ALK: variants seen among roughly 807,000 people sequenced by gnomAD.
ALK encodes ALK receptor tyrosine kinase.
A neutral mutation model predicts 163.1 loss-of-function variants in ALK; 74 were observed. The observed-to-expected ratio is 0.45, with a 90% confidence interval of 0.38 to 0.55. The LOEUF (loss-of-function observed/expected upper bound fraction) is 0.55. ALK is among the 20% of genes least tolerant of loss of function. The probability of loss-of-function intolerance (pLI) is 0.00; values close to 1 mark genes in which losing one functional copy is unlikely to be tolerated. For synonymous variants in ALK, 960 were observed against 843.2 expected (o/e 1.14, Z -2.40); for missense variants, 2,063 against 2,105.3 (o/e 0.98, Z 0.39).
At chr2:29,705,241 A>AT (rs1678864516) in intron 2 of ALK, among the ~76,000 whole-genome samples, 1 of 10,762 alleles carries the variant, frequency 9.3e-5, no homozygotes, top group Non-Finnish European at 1.8e-4. Context: ...AAGAAAAGAA[A>AT]TATATATATA....
intron 1 of ALK, among the ~76,000 whole-genome samples, chr2:29,800,869 G>C (rs552099980): frequency 2.3e-3 from 357 of 152,318 alleles, no homozygotes; most frequent in Non-Finnish European, 4.2e-3. Flanking sequence ...ATAGTCATTT[G>C]TCATCTGTGA....
intron 5 of ALK, among the ~76,000 whole-genome samples, chr2:29,378,625 C>T (rs1668815397): frequency 6.6e-6 from 1 of 152,090 alleles, no homozygotes; most frequent in South Asian, 2.1e-4. Context: ...AGAACAGGGC[C>T]TAGTGCATGG....
rs780746584 is a variant in ALK at position 29,220,721 on chromosome 2, C to G, written c.3630G>C (p.Glu1210Asp). Residue 1210 changes from glutamate to aspartate, a missense_variant, in exon 23 of 29, where the codon GAG becomes GAC. Around this residue, in one of 5 missense-constraint regions of ALK, gnomAD observed 575 missense variants for 626.6 expected, o/e 0.92. Transcript: ENST00000389048. ...AGGDLKSFLR[E>D]TRPRPSQPSS... ...TCTCACTCACCGGGCGAGGGCGGGT[C>G]TCTCGGAGGAAGGACTTGAGGTCTC... is the stretch of plus-strand genomic sequence containing the variant. 1 of 1,613,824 alleles carries G rather than the reference C, an allele frequency of 6.2e-7. No homozygotes were observed. Among genetic ancestry groups the G allele is most frequent in the Non-Finnish European group, 8.5e-7 (1 of 1,179,792 alleles).
chr2:29,677,514 G>A (rs1171599959), intron 3 of ALK, among the ~76,000 whole-genome samples: 1 of 151,886 alleles, frequency 6.6e-6, no homozygotes, highest in Non-Finnish European at 1.5e-5. Context: ...TCTATCAACT[G>A]CCTTTTCTGT....
At chr2:29,501,442 C>G (rs1278876452) in intron 4 of ALK, among the ~76,000 whole-genome samples, 1 of 152,212 alleles carries the variant, frequency 6.6e-6, no homozygotes, top group Non-Finnish European at 1.5e-5. Flanking sequence ...CGCTTCATTT[C>G]CATGTCCTTA....
At chr2:29,455,733 A>G (rs1670935323) in intron 4 of ALK, among the ~76,000 whole-genome samples, 1 of 152,220 alleles carries the variant, frequency 6.6e-6, no homozygotes, top group Admixed American at 6.5e-5. Flanking sequence ...AGAAATGGGA[A>G]TTCAAAAGCT....
At chr2:29,757,583 TTTTG>T (rs1290365314) in intron 1 of ALK, among the ~76,000 whole-genome samples, 13 of 107,788 alleles carry the variant, frequency 1.2e-4, no homozygotes, top group East Asian at 7.9e-4. Flanking sequence ...AGCATCTTGT[TTTTG>T]TTTGTTTGTG....
At chr2:29,388,378 G>A (rs773049052) in intron 4 of ALK, among the ~76,000 whole-genome samples, 2 of 152,298 alleles carry the variant, frequency 1.3e-5, no homozygotes, top group South Asian at 2.1e-4. Context: ...ACATAGGGCT[G>A]GCTTCCTTAA....
At chr2:29,837,685 G>C (rs1474793363) in intron 1 of ALK, among the ~76,000 whole-genome samples, 1 of 152,062 alleles carries the variant, frequency 6.6e-6, no homozygotes, top group Non-Finnish European at 1.5e-5. Context: ...GCTTCAAAAG[G>C]ACTAAACTGA....
intron 1 of ALK, among the ~76,000 whole-genome samples, chr2:29,776,933 C>T (rs1681192994): frequency 6.6e-6 from 1 of 152,214 alleles, no homozygotes; most frequent in Non-Finnish European, 1.5e-5. Context: ...ACCAGGACTA[C>T]TTGTGACCTA....
At chr2:29,787,075 A>G (rs936040800) in intron 1 of ALK, among the ~76,000 whole-genome samples, 24 of 152,180 alleles carry the variant, frequency 1.6e-4, no homozygotes, top group South Asian at 6.2e-4. Context: ...GATTACAGGC[A>G]TGAGCCACCA....
At chr2:29,520,458 T>C (rs1672781775) in intron 4 of ALK, among the ~76,000 whole-genome samples, 1 of 152,196 alleles carries the variant, frequency 6.6e-6, no homozygotes, top group East Asian at 1.9e-4. Flanking sequence ...TGCCCATCCC[T>C]ATTCTTGGGG....
chr2:29,912,964 T>C (rs1283630576), intron 1 of ALK, among the ~76,000 whole-genome samples: 1 of 152,164 alleles, frequency 6.6e-6, no homozygotes, highest in Non-Finnish European at 1.5e-5. Flanking sequence ...GTTCAATCTA[T>C]CCTCATTTCC....
intron 5 of ALK, among the ~76,000 whole-genome samples, chr2:29,373,500 C>T (rs1668683917): frequency 6.6e-6 from 1 of 152,220 alleles, no homozygotes; most frequent in Non-Finnish European, 1.5e-5. Context: ...GACCTCGGCA[C>T]ACTCATTCTT....
intron 24 of ALK, among the ~76,000 whole-genome samples, chr2:29,212,620 G>A (rs2148157891): frequency 6.6e-6 from 1 of 152,328 alleles, no homozygotes; most frequent in Admixed American, 6.5e-5. Flanking sequence ...TTAGGCAAGT[G>A]TACTTCCTGA....
chr2:29,773,453 T>C (rs10201786), intron 1 of ALK, among the ~76,000 whole-genome samples: 54,291 of 151,990 alleles, frequency 0.36, 12,189 homozygotes, highest in African/African-American at 0.63. Flanking sequence ...ATAGAGGAAG[T>C]CTCTGCTTTT....
At chr2:29,569,054 C>T (rs1674278257) in intron 3 of ALK, among the ~76,000 whole-genome samples, 1 of 152,124 alleles carries the variant, frequency 6.6e-6, no homozygotes, top group Non-Finnish European at 1.5e-5. Context: ...AAGAGGAAGG[C>T]CAGAGACTGA....
intron 3 of ALK, among the ~76,000 whole-genome samples, chr2:29,686,817 C>A (rs1291632871): frequency 6.6e-6 from 1 of 152,200 alleles, no homozygotes; most frequent in Non-Finnish European, 1.5e-5. Context: ...CTGAGGCAAG[C>A]ATGCCACTCA....
intron 1 of ALK, among the ~76,000 whole-genome samples, chr2:29,835,754 A>G (rs746269260): frequency 7.2e-5 from 11 of 152,168 alleles, no homozygotes; most frequent in Non-Finnish European, 1.0e-4. Flanking sequence ...AAGTCTCACA[A>G]GATCTGATGG....
Sources: gnomAD v4.1 joint callset for allele counts (sites outside exome capture counted in the v4.1 genomes callset) on GRCh38, gnomAD v4.1.1 for gene constraint, gnomAD v4.1.1 regional missense constraint, MANE v1.5 for transcripts, NCBI Gene and HGNC (gene_info 2026-07-23, HGNC 2026-07-21) for gene names.